AGBL2: variants seen among roughly 807,000 people sequenced by gnomAD.
The protein encoded by AGBL2 is cytosolic carboxypeptidase 2.
Under a neutral mutation model 103.0 loss-of-function variants are expected in AGBL2, and 87 were observed. The observed-to-expected ratio is 0.84, with a 90% CI of 0.71 to 1.01. The LOEUF (loss-of-function observed/expected upper bound fraction) is 1.01, where lower values mean the gene tolerates loss of function less well. AGBL2 is among the 50% of genes least tolerant of loss of function. AGBL2 has a pLI of 0.00. For missense variants in AGBL2, 904 were observed against 1,023.5 expected (o/e 0.88, Z 1.59); for synonymous variants, 335 against 356.7 (o/e 0.94, Z 0.69).
intron 7 of AGBL2, among the ~76,000 whole-genome samples, chr11:47,702,912 T>C (rs1346426969): frequency 1.3e-5 from 2 of 151,958 alleles, no homozygotes; most frequent in Non-Finnish European, 2.9e-5. Context: ...TATTCAGTAG[T>C]ATAAAGCAGA....
intron 18 of AGBL2, among the ~76,000 whole-genome samples, chr11:47,662,318 C>G (rs1346261565): frequency 6.6e-6 from 1 of 151,262 alleles, no homozygotes; most frequent in Non-Finnish European, 1.5e-5. Context: ...GGGTTATAAG[C>G]ATGCACCACT....
chr11:47,689,587 GA>G (rs1341787111), intron 10 of AGBL2, among the ~76,000 whole-genome samples: 5 of 151,874 alleles, frequency 3.3e-5, no homozygotes, highest in African/African-American at 1.2e-4. Flanking sequence ...TTACAGCCGT[GA>G]GCCACCACGC....
intron 14 of AGBL2, among the ~76,000 whole-genome samples, chr11:47,670,928 G>A (rs1385921958): frequency 1.3e-5 from 2 of 151,830 alleles, no homozygotes; most frequent in African/African-American, 4.8e-5. Flanking sequence ...TCAGGAGGTT[G>A]AGGCTATAGT....
At chr11:47,686,550 G>T (rs2097424616) in intron 10 of AGBL2, among the ~76,000 whole-genome samples, 1 of 151,304 alleles carries the variant, frequency 6.6e-6, no homozygotes, top group Non-Finnish European at 1.5e-5. Flanking sequence ...GTTGGAGGTG[G>T]CGTCTAGCGA....
chr11:47,670,415 G>T (rs372502942), intron 14 of AGBL2, among the ~76,000 whole-genome samples: 3 of 152,022 alleles, frequency 2.0e-5, no homozygotes, highest in African/African-American at 4.8e-5. Flanking sequence ...TGCCCAGGGG[G>T]TTGAGGCTGC....
chr11:47,705,928 G>A lies in AGBL2; in HGVS notation c.233-11C>T. The A allele has an allele frequency of 6.2e-7, 1 of 1,613,698 alleles. No individual in the cohort carries two copies. Among genetic ancestry groups the A allele is most frequent in the African/African-American group, 1.3e-5 (1 of 75,038 alleles). ...ATAAACTGATAGGCCCTAGAAAGAG[G>A]AAGAGGAGGCACCCTTGGTGTCAGG... On this transcript the variant is annotated splice_polypyrimidine_tract_variant and intron_variant, in intron 4 of 18. Transcript: ENST00000525123.
chr11:47,679,578 A>T (rs1196249571), intron 13 of AGBL2, among the ~76,000 whole-genome samples: 1 of 152,084 alleles, frequency 6.6e-6, no homozygotes, highest in African/African-American at 2.4e-5. Flanking sequence ...AGAGGAAAAT[A>T]AAGATTGCCT....
At chr11:47,683,928 TA>T (rs542131374) in intron 11 of AGBL2, among the ~76,000 whole-genome samples, 32,110 of 129,094 alleles carry the variant, frequency 0.25, 4,264 homozygotes, top group South Asian at 0.46. Context: ...CTGTCTCTAT[TA>T]AAAAAAAAAA....
chr11:47,695,932 A>G (rs1170208595), intron 8 of AGBL2, among the ~76,000 whole-genome samples: 1 of 140,610 alleles, frequency 7.1e-6, no homozygotes, highest in Non-Finnish European at 1.5e-5. Context: ...TGGGAGGCGG[A>G]GGCAGGTGGA....
chr11:47,670,556 T>G (rs1443113065), intron 14 of AGBL2, among the ~76,000 whole-genome samples: 1 of 152,114 alleles, frequency 6.6e-6, no homozygotes, highest in East Asian at 1.9e-4. Flanking sequence ...CCAATTTTCC[T>G]TCAAAAGTTT....
rs952770742 is a variant in AGBL2 at position 47,660,272 on chromosome 11, A to G, written c.2610T>C (p.Gly870=). The G allele has an allele frequency of 1.1e-5, 18 of 1,614,184 alleles. No individual in the cohort carries two copies. Among genetic ancestry groups the G allele is most frequent in the Non-Finnish European group, 1.5e-5 (18 of 1,180,032 alleles). The part of the protein sequence containing the change: ...TINSSQEPAP[G]MKPNWPRSRY... ...TGCTCCTAGGCCAGTTTGGCTTCATACCTGGAGCTGGCTCTTGGCTGGAGT... is the reference window on the plus strand; with the variant it reads ...TGCTCCTAGGCCAGTTTGGCTTCATGCCTGGAGCTGGCTCTTGGCTGGAGT... Residue 870 remains glycine, a synonymous_variant, in exon 19 of 19, where the codon GGT becomes GGC. Coordinates refer to ENST00000525123, the MANE Select transcript of AGBL2 (RefSeq NM_024783.4).
chr11:47,698,581 T>C (rs1413138877), intron 8 of AGBL2, among the ~76,000 whole-genome samples: 1 of 152,224 alleles, frequency 6.6e-6, no homozygotes, highest in Non-Finnish European at 1.5e-5. Flanking sequence ...GAAGCCTTTT[T>C]CGTTTTGAAA....
intron 8 of AGBL2, among the ~76,000 whole-genome samples, chr11:47,694,010 C>T (rs2097457813): frequency 6.6e-6 from 1 of 151,946 alleles, no homozygotes; most frequent in South Asian, 2.1e-4. Flanking sequence ...GGCAACATGG[C>T]AAAATGTCGT....
In AGBL2 at chr11:47,682,008, T is replaced by G. The variant is rs758120834; in HGVS notation, c.1876A>C (p.Ser626Arg). The change falls in exon 12 of 19, where the codon AGC (serine) becomes CGC (arginine). Residue 626 changes from serine to arginine, a missense_variant. Transcript: ENST00000525123. ...VVMWRMGILN[S>R]YTMESTFGGS... The stretch of plus-strand genomic sequence containing the variant: ...CCAAAGGTAGACTCCATGGTGTAGC[T>G]GTTTAGGATTCCCATCCGCCACATA... The G allele has an allele frequency of 6.2e-7, 1 of 1,614,178 alleles. No homozygotes were observed. Among genetic ancestry groups the G allele is most frequent in the East Asian group, 2.2e-5 (1 of 44,880 alleles).
chr11:47,709,612 G>T (rs1423596550), intron 4 of AGBL2, among the ~76,000 whole-genome samples: 16 of 149,058 alleles, frequency 1.1e-4, no homozygotes, highest in Admixed American at 1.1e-3. Flanking sequence ...TTTTGAGACA[G>T]GGTCTCACTC....
chr11:47,687,992 G>A (rs1478555400), intron 10 of AGBL2, among the ~76,000 whole-genome samples: 1 of 151,816 alleles, frequency 6.6e-6, no homozygotes, highest in Non-Finnish European at 1.5e-5. Flanking sequence ...ATTTTTAGTA[G>A]AGACGGGGTT....
At chr11:47,708,181 C>A (rs985246308) in intron 4 of AGBL2, among the ~76,000 whole-genome samples, 4 of 152,020 alleles carry the variant, frequency 2.6e-5, no homozygotes, top group African/African-American at 9.7e-5. Context: ...GACTCTCCTG[C>A]CTCAGCCTCC....
chr11:47,713,623 C>T (rs914496489), intron 3 of AGBL2, among the ~76,000 whole-genome samples: 54 of 151,256 alleles, frequency 3.6e-4, no homozygotes, highest in African/African-American at 1.3e-3. Flanking sequence ...GAGTCTCACT[C>T]TGTCGCCCAG....
intron 10 of AGBL2, 38 bp downstream of exon 10, chr11:47,690,038 T>C (rs1362614686): frequency 1.9e-6 from 3 of 1,546,798 alleles, no homozygotes; most frequent in Non-Finnish European, 2.6e-6. Context: ...CTAGGACTCA[T>C]AGCAGTCACA....
Sources: gnomAD v4.1 joint callset for allele counts (sites outside exome capture counted in the v4.1 genomes callset) on GRCh38, gnomAD v4.1.1 for gene constraint, MANE v1.5 for transcripts, NCBI Gene and HGNC (gene_info 2026-07-23, HGNC 2026-07-21) for gene names.